Variants in ZNF365 observed in about 807,000 individuals in gnomAD.
The protein encoded by ZNF365 is zinc finger protein 365.
Under a neutral mutation model 35.0 loss-of-function variants are expected in ZNF365, and 22 were observed. That is an observed-to-expected ratio of 0.63 (90% CI 0.45 to 0.90). ZNF365 has a LOEUF of 0.90. Among genes scored for constraint, ZNF365 ranks in the 40% least tolerant of loss-of-function variants. The pLI is 0.00. For synonymous variants in ZNF365, 188 were observed against 196.2 expected (o/e 0.96, Z 0.35); for missense variants, 448 against 500.3 (o/e 0.90, Z 1.00).
intron 3 of ZNF365, among the ~76,000 whole-genome samples, chr10:62,442,306 G>A (rs1840514076): frequency 6.6e-6 from 1 of 152,162 alleles, no homozygotes; most frequent in Admixed American, 6.6e-5. Context: ...AAAGAGAGAA[G>A]GAAAATTTCC....
chr10:62,388,678 T>A, intron 3 of ZNF365, 102 bp downstream of exon 3: 1 of 1,361,502 alleles, frequency 7.3e-7, no homozygotes, highest in Non-Finnish European at 9.9e-7. Context: ...AGGGACTCTC[T>A]AGACATCATT....
At chr10:62,471,186 G>T (rs982332496) in intron 4 of ZNF365, among the ~76,000 whole-genome samples, 1 of 151,958 alleles carries the variant, frequency 6.6e-6, no homozygotes, top group Non-Finnish European at 1.5e-5. Flanking sequence ...CTAACATGGT[G>T]AAACCCTGTC....
chr10:62,377,767 A>T (rs1391554209), intron 2 of ZNF365, among the ~76,000 whole-genome samples: 1 of 152,234 alleles, frequency 6.6e-6, no homozygotes, highest in Non-Finnish European at 1.5e-5. Context: ...AGAATGTCAG[A>T]TTTCATTTTA....
intron 3 of ZNF365, among the ~76,000 whole-genome samples, chr10:62,429,090 T>A (rs185591663): frequency 1.3e-5 from 2 of 152,184 alleles, no homozygotes; most frequent in Non-Finnish European, 2.9e-5. Context: ...TCCAACTAGA[T>A]AAGCCAATGT....
chr10:62,431,863 T>C (rs1840339941), intron 3 of ZNF365, among the ~76,000 whole-genome samples: 2 of 145,690 alleles, frequency 1.4e-5, no homozygotes, highest in Non-Finnish European at 1.5e-5. Flanking sequence ...TTGTTTGCCT[T>C]TTTTTTTTTA....
rs118001300 is a variant in ZNF365, at chr10:62,435,085, T to C, written c.925-24656T>C. Among the ~76,000 whole-genome samples the C allele has an allele frequency of 1.8e-4, 28 of 152,290 alleles. No homozygotes were observed. The East Asian group carries it at 5.0e-3, about 27-fold the overall frequency. On this transcript the variant is annotated intron_variant, in intron 3 of 4. Coordinates refer to the ZNF365 transcript ENST00000395255. ...TTTCAGAGGGTGGAAAGGGGTATTT[T>C]GGAAACTAAATAGAGAAACCAACTT... is the stretch of plus-strand genomic sequence containing the variant.
rs542775736 is a variant in ZNF365 at position 62,400,799 on chromosome 10, C to G, written c.*1010C>G. 1 of 955,270 alleles carries G rather than the reference C, an allele frequency of 1.0e-6. No homozygotes were observed. Among genetic ancestry groups the G allele is most frequent in the South Asian group, 5.1e-5 (1 of 19,736 alleles). 59.2% of individuals were successfully genotyped at this position (955,270 alleles called of 1,614,324 possible). On this transcript the variant is annotated 3_prime_UTR_variant, in exon 5 of 5. Transcript: ENST00000395254. ...TTTTCCACTGGGTGGTTCACTTTGC[C>G]TCCTGCTGCTTCTGTGCCCTGTTAA...
At chr10:62,408,515 G>T (rs1187171626) in intron 3 of ZNF365, among the ~76,000 whole-genome samples, 1 of 152,100 alleles carries the variant, frequency 6.6e-6, no homozygotes, top group Admixed American at 6.5e-5. Flanking sequence ...GTCTCTCTTT[G>T]TATTCAGGAT....
intron 3 of ZNF365, among the ~76,000 whole-genome samples, chr10:62,396,146 C>G (rs1259842742): frequency 6.6e-6 from 1 of 152,150 alleles, no homozygotes; most frequent in African/African-American, 2.4e-5. Flanking sequence ...GGCCTCCACC[C>G]CAAACCTCAT....
At chr10:62,449,075 A>G (rs1840637098) in intron 3 of ZNF365, among the ~76,000 whole-genome samples, 1 of 152,182 alleles carries the variant, frequency 6.6e-6, no homozygotes, top group African/African-American at 2.4e-5. Context: ...TGTGTGAGAG[A>G]AGGGAAAAGA....
At chr10:62,434,065 T>TG (rs1372480066) in intron 3 of ZNF365, among the ~76,000 whole-genome samples, 2 of 152,274 alleles carry the variant, frequency 1.3e-5, no homozygotes, top group East Asian at 3.9e-4. Flanking sequence ...AAGGATCACC[T>TG]GGGGCACGTG....
intron 4 of ZNF365, among the ~76,000 whole-genome samples, chr10:62,470,170 A>G (rs371238128): frequency 2.6e-5 from 4 of 152,340 alleles, no homozygotes; most frequent in African/African-American, 9.6e-5. Flanking sequence ...GGAGTGATCC[A>G]GGAAACATCA....
At chr10:62,444,493 G>GGGCTGGTAATGGCCCTAGGA (rs1204150002) in intron 3 of ZNF365, among the ~76,000 whole-genome samples, 23 of 152,252 alleles carry the variant, frequency 1.5e-4, no homozygotes, top group African/African-American at 4.6e-4. Context: ...CTGGGCCCCA[G>GGGCTGGTAATGGCCCTAGGA]GGCTGGTAAT....
chr10:62,458,467 A>AACACACAC (rs3999114), intron 3 of ZNF365, among the ~76,000 whole-genome samples: 1,550 of 148,384 alleles, frequency 0.01, 9 homozygotes, highest in Non-Finnish European at 0.017. Flanking sequence ...CACCATCTTG[A>AACACACAC]ACACACACAC....
chr10:62,433,282 G>A (rs888645249), intron 3 of ZNF365, among the ~76,000 whole-genome samples: 3 of 152,136 alleles, frequency 2.0e-5, no homozygotes, highest in Non-Finnish European at 4.4e-5. Flanking sequence ...TCAGACAGTA[G>A]ACAAATGACT....
At chr10:62,440,330 TACA>T in intron 3 of ZNF365, among the ~76,000 whole-genome samples, 1 of 151,260 alleles carries the variant, frequency 6.6e-6, no homozygotes, top group Middle Eastern at 3.4e-3. Flanking sequence ...GGGTTTTTTC[TACA>T]TATTACTTTA....
chr10:62,445,707 A>G (rs994526045), intron 3 of ZNF365, among the ~76,000 whole-genome samples: 38 of 152,302 alleles, frequency 2.5e-4, no homozygotes, highest in African/African-American at 8.7e-4. Flanking sequence ...CATTTTCTCT[A>G]CTTTTGTGTA....
chr10:62,440,881 G>A (rs188755544), intron 3 of ZNF365, among the ~76,000 whole-genome samples: 1 of 152,252 alleles, frequency 6.6e-6, no homozygotes, highest in African/African-American at 2.4e-5. Flanking sequence ...ATAACAGAAT[G>A]AATACATCAT....
intron 3 of ZNF365, among the ~76,000 whole-genome samples, chr10:62,456,868 T>A (rs1268556909): frequency 6.6e-6 from 1 of 152,000 alleles, no homozygotes; most frequent in Non-Finnish European, 1.5e-5. Context: ...ACAAACTCAG[T>A]GATTACAACA....
Sources: allele counts gnomAD v4.1 joint callset (sites outside exome capture counted in the v4.1 genomes callset), GRCh38; gene constraint gnomAD v4.1.1; transcripts MANE v1.5; gene names NCBI Gene and HGNC (gene_info 2026-07-23, HGNC 2026-07-21).